The following CNTNAP5 variants were observed in gnomAD, a reference collection of about 807,000 sequenced individuals.
CNTNAP5 encodes the protein contactin-associated protein-like 5.
Under a neutral mutation model 150.2 loss-of-function variants are expected in CNTNAP5, and 72 were observed. That is an observed-to-expected ratio of 0.48 (90% CI 0.40 to 0.58). The LOEUF is 0.58. Ranked by LOEUF, CNTNAP5 falls within the 20% of genes least tolerant of loss-of-function variation. The pLI, the probability that CNTNAP5 is intolerant of heterozygous loss-of-function variation, is 0.00. For missense variants in CNTNAP5, 1,636 were observed against 1,626.2 expected, an observed-to-expected ratio of 1.01 and a Z score of -0.10; for synonymous variants, 672 against 619.8, an observed-to-expected ratio of 1.08 and a Z score of -1.25.
chr2:124,363,774 C>T (rs577105222), intron 3 of CNTNAP5, among the ~76,000 whole-genome samples: 1 of 152,308 alleles, frequency 6.6e-6, no homozygotes, highest in South Asian at 2.1e-4. Flanking sequence ...ATTACCTTGA[C>T]TGTGGTGATA....
chr2:124,869,588 T>C (rs984164266), intron 20 of CNTNAP5, 87 bp from the exon 21 acceptor site: 17 of 840,514 alleles, frequency 2.0e-5, no homozygotes, highest in Middle Eastern at 2.3e-4. Flanking sequence ...TGTATGCATT[T>C]TTTCAAGCTA....
intron 3 of CNTNAP5, among the ~76,000 whole-genome samples, chr2:124,411,859 G>A: frequency 1.5e-5 from 1 of 67,964 alleles, no homozygotes; most frequent in Non-Finnish European, 3.1e-5. Flanking sequence ...ATTCAACATA[G>A]TGTTGGAAGT....
chr2:124,137,181 C>G (rs1683993199), intron 1 of CNTNAP5, among the ~76,000 whole-genome samples: 1 of 152,068 alleles, frequency 6.6e-6, no homozygotes, highest in African/African-American at 2.4e-5. Flanking sequence ...TGGCTACTGG[C>G]CTGCTGTCCG....
At chr2:124,862,940 G>A (rs187033854) in intron 19 of CNTNAP5, among the ~76,000 whole-genome samples, 9 of 152,288 alleles carry the variant, frequency 5.9e-5, no homozygotes, top group Admixed American at 5.9e-4. Context: ...AACTAGCTGA[G>A]GTGTTTTTTT....
At chr2:124,838,330 G>A (rs1682871551) in intron 19 of CNTNAP5, among the ~76,000 whole-genome samples, 1 of 151,976 alleles carries the variant, frequency 6.6e-6, no homozygotes, top group Non-Finnish European at 1.5e-5. Flanking sequence ...ATATCTAGAG[G>A]CCTTGAGATC....
chr2:124,712,225 G>C (rs985579463), intron 13 of CNTNAP5, among the ~76,000 whole-genome samples: 1 of 152,202 alleles, frequency 6.6e-6, no homozygotes, highest in African/African-American at 2.4e-5. Context: ...AGTAGCAGTA[G>C]TGTAATCATA....
intron 11 of CNTNAP5, among the ~76,000 whole-genome samples, chr2:124,593,963 G>A (rs1370240061): frequency 6.1e-5 from 6 of 98,002 alleles, no homozygotes; most frequent in Non-Finnish European, 1.2e-4. Context: ...CATGTCCTTC[G>A]CCCACTTTTT....
At chr2:124,721,424 G>A (rs1680045079) in intron 13 of CNTNAP5, among the ~76,000 whole-genome samples, 1 of 151,894 alleles carries the variant, frequency 6.6e-6, no homozygotes, top group Non-Finnish European at 1.5e-5. Flanking sequence ...GGAGGTTGCA[G>A]TGAGCCAAGA....
At chr2:124,699,695 GACAAAGAGGCATTTGGTCA>G (rs112717556) in intron 13 of CNTNAP5, among the ~76,000 whole-genome samples, 20 of 152,292 alleles carry the variant, frequency 1.3e-4, no homozygotes, top group African/African-American at 4.6e-4. Context: ...AGGTGGTCAA[GACAAAGAGGCATTTGGTCA>G]TGCCTAGAAG....
chr2:124,869,847 A>C (rs544296930), intron 21 of CNTNAP5, 85 bp downstream of exon 21: 1 of 801,176 alleles, frequency 1.2e-6, no homozygotes, highest in African/African-American at 1.7e-5. Context: ...TTAAGGATTC[A>C]GGTCTGGAGC....
intron 6 of CNTNAP5, among the ~76,000 whole-genome samples, chr2:124,464,457 T>A (rs573883104): frequency 6.6e-6 from 1 of 152,242 alleles, no homozygotes; most frequent in African/African-American, 2.4e-5. Flanking sequence ...TGTAAACAAT[T>A]GCCTCGACTC....
chr2:124,263,115 T>A (rs1418196720), intron 3 of CNTNAP5, among the ~76,000 whole-genome samples: 2 of 152,148 alleles, frequency 1.3e-5, no homozygotes, highest in African/African-American at 4.8e-5. Flanking sequence ...AACATACGTG[T>A]GTGTGTGCCT....
intron 13 of CNTNAP5, among the ~76,000 whole-genome samples, chr2:124,671,704 A>G (rs1325412977): frequency 6.6e-6 from 1 of 152,082 alleles, no homozygotes; most frequent in Non-Finnish European, 1.5e-5. Flanking sequence ...CAATGGTGCA[A>G]TCTTGGCTCA....
chr2:124,498,287 T>C (rs1346653000), intron 7 of CNTNAP5, among the ~76,000 whole-genome samples: 8 of 152,184 alleles, frequency 5.3e-5, no homozygotes, highest in African/African-American at 1.9e-4. Context: ...ATTTCTCCCA[T>C]TTTATCTTCT....
intron 7 of CNTNAP5, among the ~76,000 whole-genome samples, chr2:124,484,325 T>C (rs1379393087): frequency 6.6e-6 from 1 of 152,228 alleles, no homozygotes; most frequent in Non-Finnish European, 1.5e-5. Flanking sequence ...CCCTTTTATG[T>C]CACTCATGGT....
At chr2:124,832,515 A>G (rs369961614) in intron 19 of CNTNAP5, among the ~76,000 whole-genome samples, 14 of 152,166 alleles carry the variant, frequency 9.2e-5, no homozygotes, top group African/African-American at 2.9e-4. Flanking sequence ...TTTTTCCATG[A>G]CTAAACTTTA....
At chr2:124,747,715 G>A (rs1193713856) in intron 14 of CNTNAP5, among the ~76,000 whole-genome samples, 1 of 139,594 alleles carries the variant, frequency 7.2e-6, no homozygotes, top group African/African-American at 2.7e-5. Flanking sequence ...CGCCTGCCAG[G>A]TTCAAGCAAT....
At chr2:124,496,195 A>G (rs1694141287) in intron 7 of CNTNAP5, among the ~76,000 whole-genome samples, 1 of 152,188 alleles carries the variant, frequency 6.6e-6, no homozygotes, top group Non-Finnish European at 1.5e-5. Flanking sequence ...CAAAAATGAA[A>G]AAGAGCCTTG....
At chr2:124,638,132 T>C (rs1415553403) in intron 12 of CNTNAP5, among the ~76,000 whole-genome samples, 2 of 151,292 alleles carry the variant, frequency 1.3e-5, no homozygotes, top group Non-Finnish European at 2.9e-5. Context: ...AAAACAAACC[T>C]AGTTCCATTA....
Sources: gnomAD v4.1 joint callset for allele counts (sites outside exome capture counted in the v4.1 genomes callset) on GRCh38, gnomAD v4.1.1 for gene constraint, MANE v1.5 for transcripts, NCBI Gene and HGNC (gene_info 2026-07-23, HGNC 2026-07-21) for gene names.